DNAI2: variants seen among roughly 807,000 people sequenced by gnomAD.
DNAI2 encodes dynein, axonemal, intermediate polypeptide 2.
In DNAI2, 63 loss-of-function variants were observed where a neutral mutation model predicts 74.7. The observed-to-expected ratio is 0.84, with a 90% CI of 0.69 to 1.04. The LOEUF is 1.04. Among genes scored for constraint, DNAI2 ranks in the 50% least tolerant of loss-of-function variants. The pLI, the probability that DNAI2 is intolerant of heterozygous loss-of-function variation, is 0.00. For synonymous variants in DNAI2, 289 were observed against 314.9 expected (o/e 0.92, Z 0.87); for missense variants, 688 against 803.2 (o/e 0.86, Z 1.73).
chr17:74,307,871 C>T (rs937338242), intron 9 of DNAI2, among the ~76,000 whole-genome samples: 4 of 152,074 alleles, frequency 2.6e-5, no homozygotes, highest in Admixed American at 1.3e-4. Flanking sequence ...GATCTTGGCT[C>T]ACTACAACCT....
At chr17:74,304,658 C>A (rs1490897223) in intron 8 of DNAI2, among the ~76,000 whole-genome samples, 1 of 152,162 alleles carries the variant, frequency 6.6e-6, no homozygotes, top group Non-Finnish European at 1.5e-5. Context: ...AAGCTCGTGC[C>A]CCTCAAAGAG....
intron 4 of DNAI2, 70 bp downstream of exon 4, chr17:74,287,168 A>G: frequency 6.3e-7 from 1 of 1,592,916 alleles, no homozygotes; most frequent in South Asian, 1.1e-5. Flanking sequence ...TCCAAAGGCA[A>G]CTCCTTGCCA....
intron 1 of DNAI2, among the ~76,000 whole-genome samples, chr17:74,278,794 AAAG>A (rs1177581557): frequency 2.0e-5 from 3 of 152,162 alleles, no homozygotes; most frequent in African/African-American, 7.2e-5. Flanking sequence ...AAAGAAAAGA[AAAG>A]AAAGAATGAA....
chr17:74,277,746 AACAC>A (rs2051182365), intron 1 of DNAI2, among the ~76,000 whole-genome samples: 1 of 152,214 alleles, frequency 6.6e-6, no homozygotes, highest in South Asian at 2.1e-4. Flanking sequence ...GATTGTGAAA[AACAC>A]GAATTGCTAG....
At position 74,314,399 on chromosome 17, in the gene DNAI2, C is replaced by T; in HGVS notation, c.*55+128C>T. 4.0e-6 allele frequency: 5 copies of T among 1,241,242 alleles called. No homozygotes were observed. In the South Asian group the frequency reaches 5.0e-5, roughly 13 times the overall value. 76.9% of individuals were successfully genotyped at this position (1,241,242 alleles called of 1,614,324 possible). ...CACTAGCCCCCACTGACTCACTGGG[C>T]ACTGAGTCCTGAGCCACCCCTTGGA... On this transcript the variant is annotated intron_variant, in intron 13 of 13. Coordinates refer to ENST00000311014, the MANE Select transcript of DNAI2 (RefSeq NM_023036.6).
intron 4 of DNAI2, among the ~76,000 whole-genome samples, chr17:74,287,425 G>A (rs976858510): frequency 2.6e-5 from 4 of 152,234 alleles, no homozygotes; most frequent in Admixed American, 6.5e-5. Context: ...GGCCCCCGCC[G>A]CGGCCTGCAC....
intron 8 of DNAI2, among the ~76,000 whole-genome samples, chr17:74,301,766 T>C (rs960896371): frequency 3.0e-5 from 4 of 131,944 alleles, no homozygotes; most frequent in African/African-American, 1.2e-4. Flanking sequence ...CCTGGGTACA[T>C]AATGAGACCC....
At chr17:74,287,728 G>C (rs774066246) in intron 4 of DNAI2, among the ~76,000 whole-genome samples, 3 of 152,224 alleles carry the variant, frequency 2.0e-5, no homozygotes, top group Non-Finnish European at 4.4e-5. Context: ...GCCAAGGCGG[G>C]TGCATCACCT....
intron 2 of DNAI2, among the ~76,000 whole-genome samples, chr17:74,282,313 A>T (rs1180953870): frequency 6.6e-6 from 1 of 150,400 alleles, no homozygotes; most frequent in Non-Finnish European, 1.5e-5. Flanking sequence ...GCTGGGAGAC[A>T]TTTTTTTTTT....
chr17:74,305,434 G>A lies in DNAI2; in HGVS notation c.1203G>A (p.Met401Ile). ...AAGACAGCCGGGAATCGTCCATCATGTGGACCAAGTAAGAGGCGATGCTGG... is the reference window on the plus strand; with the variant it reads ...AAGACAGCCGGGAATCGTCCATCATATGGACCAAGTAAGAGGCGATGCTGG... ...WSEDSRESSIMWTKYHMAYLT... is the reference protein window; with the variant it reads ...WSEDSRESSIIWTKYHMAYLT... Residue 401 changes from methionine (M) to isoleucine (I), a missense_variant, in exon 9 of 14, where the codon ATG (methionine) becomes ATA (isoleucine). Coordinates refer to ENST00000311014, the MANE Select transcript of DNAI2 (RefSeq NM_023036.6). The A allele has an allele frequency of 6.2e-7, 1 of 1,614,060 alleles. No individual in the cohort carries two copies.
intron 6 of DNAI2, among the ~76,000 whole-genome samples, chr17:74,295,201 C>T (rs1437103354): frequency 2.2e-5 from 3 of 137,490 alleles, no homozygotes; most frequent in African/African-American, 8.0e-5. Flanking sequence ...TCAAGACCAG[C>T]ATGGGCAACA....
Position 74,281,824 on chromosome 17 carries a change from A to G in DNAI2, c.7A>G (p.Ile3Val). The G allele has an allele frequency of 6.2e-7, 1 of 1,613,512 alleles. No individual in the cohort carries two copies. The highest frequency in any genetic ancestry group is 8.5e-7 in the Non-Finnish European group (1 of 1,179,938). Reference sequence around the variant, plus strand: ...CCCCCCAGCAGCCGGCACCATGGAGATTGTGTACGTGTACGTCAAGAAGCG... The same window carrying G: ...CCCCCCAGCAGCCGGCACCATGGAGGTTGTGTACGTGTACGTCAAGAAGCG... MEIVYVYVKKRSE... is the reference protein window; with the variant it reads MEVVYVYVKKRSE... Residue 3 changes from isoleucine to valine, a missense_variant, in exon 2 of 14, where the codon ATT becomes GTT. Transcript: ENST00000311014.
intron 6 of DNAI2, among the ~76,000 whole-genome samples, 157 bp downstream of exon 6, chr17:74,291,290 C>T (rs1457186640): frequency 6.6e-6 from 1 of 151,906 alleles, no homozygotes; most frequent in Non-Finnish European, 1.5e-5. Context: ...CCTCCCGAGT[C>T]GCTGAGATTA....
intron 11 of DNAI2, 96 bp downstream of exon 11, chr17:74,310,259 C>A (rs1017011650): frequency 6.7e-7 from 1 of 1,491,266 alleles, no homozygotes; most frequent in Non-Finnish European, 9.0e-7. Context: ...GCCCCGCCCT[C>A]CCACCCCCAG....
intron 1 of DNAI2, among the ~76,000 whole-genome samples, chr17:74,280,518 T>C (rs923562805): frequency 1.5e-4 from 23 of 152,218 alleles, no homozygotes; most frequent in African/African-American, 5.3e-4. Context: ...TCTCTCTGTC[T>C]GGGATTGACT....
Position 74,281,996 on chromosome 17 carries a change from A to G in DNAI2, c.179A>G (p.His60Arg), listed in dbSNP as rs1435744788. 6.2e-7 allele frequency: 1 copy of G among 1,613,880 alleles called. No individual in the cohort carries two copies. The highest frequency in any genetic ancestry group is 1.7e-5 in the Admixed American group (1 of 60,014). ...GIQCSISMSE[H>R]EANSERFEME... ...CAGTGCTCGATCAGCATGTCGGAAC[A>G]CGAGGTGGGTCCCTGCCCCAAGGGC... The change falls in exon 2 of 14, where the codon CAC becomes CGC. Residue 60 changes from histidine (H) to arginine (R), a missense_variant. His to Arg is a conservative substitution (Grantham distance 29). Transcript: ENST00000311014.
intron 8 of DNAI2, 78 bp from the exon 9 acceptor site, chr17:74,305,141 C>A: frequency 6.7e-7 from 1 of 1,497,138 alleles, no homozygotes; most frequent in Non-Finnish European, 9.2e-7. Context: ...ACCCCCCAAG[C>A]AAGCTCCTGT....
At chr17:74,288,154 AC>A (rs1422707914) in intron 4 of DNAI2, among the ~76,000 whole-genome samples, 1 of 152,216 alleles carries the variant, frequency 6.6e-6, no homozygotes, top group Non-Finnish European at 1.5e-5. Context: ...GAGAAACCGT[AC>A]TTCAAGTACC....
rs757025123 is a variant in DNAI2, at chr17:74,299,702, TCTC to T, written c.725-13_725-11del. 1.2e-6 allele frequency: 2 copies of T among 1,613,106 alleles called. No individual in the cohort carries two copies. Among genetic ancestry groups the T allele is most frequent in the East Asian group, 4.5e-5 (2 of 44,856 alleles). On this transcript the variant is annotated splice_polypyrimidine_tract_variant and intron_variant, in intron 6 of 13. Transcript: ENST00000311014. ...TGTGCCCCCTTCCACTCCTTCTTCA[TCTC>T]CTTCCTCACCAGCCTGCTGGGACAC...
Sources: gnomAD v4.1 joint callset for allele counts (sites outside exome capture counted in the v4.1 genomes callset) on GRCh38, gnomAD v4.1.1 for gene constraint, MANE v1.5 for transcripts, NCBI Gene and HGNC (gene_info 2026-07-23, HGNC 2026-07-21) for gene names.